The following ACSL1 variants were observed in gnomAD, a reference collection of about 807,000 sequenced individuals.
The protein encoded by ACSL1 is acyl-CoA synthetase long chain family member 1.
ACSL1 carries 41 observed loss-of-function variants against 98.4 expected under a neutral mutation model. The observed-to-expected ratio is 0.42, with a 90% CI of 0.32 to 0.54. The LOEUF (loss-of-function observed/expected upper bound fraction) is 0.54, where lower values mean the gene tolerates loss of function less well. Among genes scored for constraint, ACSL1 ranks in the 20% least tolerant of loss-of-function variants. ACSL1 has a pLI of 0.13. For synonymous variants in ACSL1, 316 were observed against 322.7 expected, an observed-to-expected ratio of 0.98 and a Z score of 0.22; for missense variants, 734 against 883.1, an observed-to-expected ratio of 0.83 and a Z score of 2.14.
chr4:184,814,663 A>G (rs1211756080), intron 1 of ACSL1, among the ~76,000 whole-genome samples: 1 of 152,184 alleles, frequency 6.6e-6, no homozygotes, highest in African/African-American at 2.4e-5. Flanking sequence ...CTCCAGATAA[A>G]GAAGCTATAA....
intron 3 of ACSL1, among the ~76,000 whole-genome samples, chr4:184,784,561 G>A (rs1329501621): frequency 6.6e-6 from 1 of 152,178 alleles, no homozygotes; most frequent in African/African-American, 2.4e-5. Context: ...ACGTGAAGCG[G>A]TATCTGGGAA....
chr4:184,777,070 T>G, intron 5 of ACSL1, 87 bp from the exon 6 acceptor site: 7 of 1,200,974 alleles, frequency 5.8e-6, no homozygotes, highest in Middle Eastern at 1.9e-4. Context: ...AGATTCAAAG[T>G]GAAAACATTT....
In ACSL1 at chr4:184,814,290, C is replaced by CAAA. The variant is rs61541962; in HGVS notation, c.-32-10747_-32-10745dup. 5.7e-3 allele frequency among the ~76,000 whole-genome samples: 364 copies of CAAA among 63,336 alleles called. 1 individual carries two copies. The highest frequency in any genetic ancestry group is 0.01 in the Middle Eastern group (1 of 100). 41.6% of individuals were successfully genotyped at this position (63,336 alleles called of 152,430 possible). On this transcript the variant is annotated intron_variant, in intron 1 of 20. Coordinates refer to ENST00000281455, the MANE Select transcript of ACSL1 (RefSeq NM_001995.5). ...TGGGCGACAGAGCGAGACTCCGCCT[C>CAAA]AAAAAAAAAAAAAAAAAAAAAAAGG...
intron 11 of ACSL1, among the ~76,000 whole-genome samples, chr4:184,768,926 G>A (rs894247820): frequency 6.6e-5 from 10 of 152,056 alleles, no homozygotes; most frequent in African/African-American, 2.2e-4. Context: ...AAAATTAGCC[G>A]GGCTTGGTGG....
At chr4:184,812,964 C>G (rs1489569594) in intron 1 of ACSL1, among the ~76,000 whole-genome samples, 2 of 152,114 alleles carry the variant, frequency 1.3e-5, no homozygotes, top group African/African-American at 4.8e-5. Context: ...AAACACAGAG[C>G]TAGTGGGCGG....
At chr4:184,781,371 C>T (rs941308189) in intron 4 of ACSL1, among the ~76,000 whole-genome samples, 2 of 151,316 alleles carry the variant, frequency 1.3e-5, no homozygotes, top group Admixed American at 1.3e-4. Context: ...TAAGAAAATG[C>T]TACATAGTAA....
chr4:184,787,212 G>A (rs928238690), intron 3 of ACSL1, among the ~76,000 whole-genome samples: 1 of 152,182 alleles, frequency 6.6e-6, no homozygotes, highest in African/African-American at 2.4e-5. Context: ...ATAGAAAGAG[G>A]GGTGGAGAAA....
chr4:184,765,167 C>T (rs1197882623), intron 14 of ACSL1, among the ~76,000 whole-genome samples: 27 of 152,332 alleles, frequency 1.8e-4, no homozygotes, highest in Non-Finnish European at 2.6e-4. Flanking sequence ...CCCTATGTGA[C>T]TGGTCACCAC....
chr4:184,803,341 G>C lies in ACSL1; in HGVS notation c.174C>G (p.Ser58=). The change falls in exon 2 of 21, where the codon TCC becomes TCG. Residue 58 remains serine, a synonymous_variant. Transcript: ENST00000281455. This position sits in a 1 kb window ranked among gnomAD's most constrained non-coding sequence, Gnocchi z 4.8. ...PKPLKPPCDL[S]MQSVEVAGSG... is the part of the protein sequence containing the mutation. ...TCACCGCCACTTCCACTGACTGCAT[G>C]GAGAGGTCGCATGGCGGCTTCAGGG... 6.2e-7 allele frequency: 1 copy of C among 1,605,032 alleles called. No individual in the cohort carries two copies. The highest frequency in any genetic ancestry group is 1.1e-5 in the South Asian group (1 of 89,800).
chr4:184,800,098 G>T (rs1370555422), intron 2 of ACSL1, among the ~76,000 whole-genome samples: 1 of 152,166 alleles, frequency 6.6e-6, no homozygotes, highest in African/African-American at 2.4e-5. Context: ...AAAATATGAA[G>T]ATTAAAAGAC....
chr4:184,773,785 A>C lies in ACSL1; in HGVS notation c.789+58T>G. 16 of 1,613,202 alleles carry C rather than the reference A, an allele frequency of 9.9e-6. No homozygotes were observed. The highest frequency in any genetic ancestry group is 1.4e-5 in the Non-Finnish European group (16 of 1,179,536). On this transcript the variant is annotated intron_variant, in intron 8 of 20. Coordinates refer to ENST00000281455, the MANE Select transcript of ACSL1 (RefSeq NM_001995.5). The surrounding 1 kb of genome is among the most constrained non-coding windows in gnomAD (Gnocchi z 4.3). ...AGAGAACTATAAGCCACAAGGTACC[A>C]GGCTAGATATTGAAAACTACAAAGA...
Position 184,765,972 on chromosome 4 carries a change from T to C in ACSL1, c.1278A>G (p.Gly426=), listed in dbSNP as rs761124520. 2.5e-6 allele frequency: 4 copies of C among 1,613,738 alleles called. No individual in the cohort carries two copies. Among genetic ancestry groups the C allele is most frequent in the Non-Finnish European group, 2.5e-6 (3 of 1,179,822 alleles). Residue 426 remains glycine (G), a synonymous_variant, in exon 14 of 21, where the codon GGA becomes GGG. Transcript: ENST00000281455. ...CTCCTGTCACCATCAGCCGGACTCT[T>C]CCGCCCAGGCTCGACTTTCAGGGAG... ...IFHKVQSSLG[G]RVRLMVTGAA... is the part of the protein sequence containing the mutation.
In ACSL1 at chr4:184,757,027, C is replaced by T; in HGVS notation, c.*98G>A. 7.1e-7 allele frequency: 1 copy of T among 1,404,524 alleles called. No individual in the cohort carries two copies. The highest frequency in any genetic ancestry group is 9.6e-7 in the Non-Finnish European group (1 of 1,046,970). 87.0% of individuals were successfully genotyped at this position (1,404,524 alleles called of 1,614,324 possible). ...ACAAGTCAAACACGAACGCTTCCTT[C>T]CCTACACTTGCTGTATTCAAAATTA... On this transcript the variant is annotated 3_prime_UTR_variant, in exon 21 of 21. Transcript: ENST00000281455. This position sits in a 1 kb window ranked among gnomAD's most constrained non-coding sequence, Gnocchi z 4.5.
intron 4 of ACSL1, among the ~76,000 whole-genome samples, chr4:184,783,244 A>AG (rs1250816729): frequency 3.3e-5 from 5 of 152,234 alleles, no homozygotes; most frequent in Non-Finnish European, 7.3e-5. Flanking sequence ...CGCTGTTTCA[A>AG]CAGCTGTAGC....
At chr4:184,812,182 T>G in intron 1 of ACSL1, 1 of 985,218 alleles carries the variant, frequency 1.0e-6, no homozygotes. Flanking sequence ...TTAGTACCTA[T>G]GTAGATGCTT....
At chr4:184,785,000 G>A (rs917678387) in intron 3 of ACSL1, among the ~76,000 whole-genome samples, 1 of 152,130 alleles carries the variant, frequency 6.6e-6, no homozygotes, top group African/African-American at 2.4e-5. Flanking sequence ...GAAATGATGC[G>A]ATTTTATTCC....
intron 18 of ACSL1, among the ~76,000 whole-genome samples, chr4:184,759,036 A>G (rs191215861): frequency 0.015 from 2,311 of 151,822 alleles, 29 homozygotes; most frequent in Admixed American, 0.025. Context: ...GCTGAGAATG[A>G]TGGTTTCCAG....
chr4:184,791,255 TAAGGTGAAC>T (rs1177641247), intron 2 of ACSL1, among the ~76,000 whole-genome samples: 2 of 152,180 alleles, frequency 1.3e-5, no homozygotes, highest in Admixed American at 6.5e-5. Context: ...CAGATGGGGA[TAAGGTGAAC>T]AAGACACAAG....
intron 1 of ACSL1, among the ~76,000 whole-genome samples, chr4:184,816,209 T>G (rs1159108257): frequency 6.6e-6 from 1 of 151,708 alleles, no homozygotes; most frequent in Non-Finnish European, 1.5e-5. Context: ...GCAAAAAACA[T>G]GGGACCCTGT....
Sources: gnomAD v4.1 joint callset for allele counts (sites outside exome capture counted in the v4.1 genomes callset) on GRCh38, gnomAD v4.1.1 for gene constraint, Gnocchi (gnomAD v3.1) non-coding constraint, MANE v1.5 for transcripts, NCBI Gene and HGNC (gene_info 2026-07-23, HGNC 2026-07-21) for gene names.